The following FGF12 variants were observed in gnomAD, a reference collection of about 807,000 sequenced individuals.
FGF12 encodes the protein fibroblast growth factor 12, also known as fibroblast growth factor 12B.
A neutral mutation model predicts 23.6 loss-of-function variants in FGF12; 14 were observed. The ratio of observed to expected loss-of-function variants is 0.59; its 90% CI spans 0.39 to 0.93. The LOEUF (loss-of-function observed/expected upper bound fraction) is 0.93. Ranked by LOEUF, FGF12 falls within the 40% of genes least tolerant of loss-of-function variation. The probability of loss-of-function intolerance (pLI) is 0.00; values close to 1 mark genes in which losing one functional copy is unlikely to be tolerated. For synonymous variants in FGF12, 62 were observed against 77.3 expected, an observed-to-expected ratio of 0.80 and a Z score of 1.04; for missense variants, 175 against 217.8, an observed-to-expected ratio of 0.80 and a Z score of 1.24.
At chr3:192,544,573 A>C (rs1725449950) in intron 2 of FGF12, among the ~76,000 whole-genome samples, 1 of 152,218 alleles carries the variant, frequency 6.6e-6, no homozygotes, top group Admixed American at 6.5e-5. Flanking sequence ...AATTTATTTT[A>C]TCTCAGTATT....
Position 192,360,989 on chromosome 3 carries a change from GTT to G in FGF12, c.14-453_14-452del, listed in dbSNP as rs1396351961. On this transcript the variant is annotated intron_variant, in intron 2 of 5. Coordinates refer to ENST00000445105, the MANE Select transcript of FGF12 (RefSeq NM_004113.6). The surrounding 1 kb of genome is among the most constrained non-coding windows in gnomAD (Gnocchi z 4.3). The stretch of plus-strand genomic sequence containing the variant: ...TCAGCTCTCCATCAGAAGTTCCTGG[GTT>G]TTGAATTTGTGATCAAGTTCAGCCA... Among the ~76,000 whole-genome samples, 2 of 151,794 alleles carry G rather than the reference GTT, an allele frequency of 1.3e-5. No individual in the cohort carries two copies. Among genetic ancestry groups the G allele is most frequent in the African/African-American group, 4.8e-5 (2 of 41,304 alleles).
chr3:192,382,869 A>C (rs974003884), intron 2 of FGF12, among the ~76,000 whole-genome samples: 2 of 152,220 alleles, frequency 1.3e-5, no homozygotes, highest in Non-Finnish European at 2.9e-5. Flanking sequence ...AAGCATAAGA[A>C]TGATATCTAA....
chr3:192,247,091 AGG>A (rs1711665648), intron 4 of FGF12, among the ~76,000 whole-genome samples: 1 of 135,906 alleles, frequency 7.4e-6, no homozygotes, highest in Non-Finnish European at 1.6e-5. Context: ...GAAGGAAGGA[AGG>A]AAGGAAGGAA....
At chr3:192,416,602 G>A (rs1019048151) in intron 2 of FGF12, among the ~76,000 whole-genome samples, 1 of 152,112 alleles carries the variant, frequency 6.6e-6, no homozygotes, top group Non-Finnish European at 1.5e-5. Context: ...AGCATTGTTA[G>A]GCTAAGCGAA....
chr3:192,710,908 G>C (rs1018027216), intron 2 of FGF12, among the ~76,000 whole-genome samples: 17 of 152,166 alleles, frequency 1.1e-4, no homozygotes, highest in African/African-American at 4.1e-4. Context: ...CAAGAGAATG[G>C]AAGAGTCTTC....
intron 4 of FGF12, among the ~76,000 whole-genome samples, chr3:192,304,180 C>T (rs1715493567): frequency 6.6e-6 from 1 of 151,704 alleles, no homozygotes; most frequent in Non-Finnish European, 1.5e-5. Context: ...AAGCAATATT[C>T]TATAGAACCC....
rs577715543 is a variant in FGF12, at chr3:192,154,668, C to T, written c.428-10541G>A. On this transcript the variant is annotated intron_variant, in intron 5 of 5. Transcript: ENST00000445105. Reference sequence around the variant, plus strand: ...GACCCACTTGAGGAGGTAGTCTGCCCGTTCTCAGATCTCCAGCTGCGTGCT... The same window carrying T: ...GACCCACTTGAGGAGGTAGTCTGCCTGTTCTCAGATCTCCAGCTGCGTGCT... Among the ~76,000 whole-genome samples, 222 of 143,122 alleles carry T rather than the reference C, an allele frequency of 1.6e-3. 4 individuals are homozygous for T. Among genetic ancestry groups the T allele is most frequent in the Non-Finnish European group, 2.2e-3 (143 of 65,038 alleles). 93.9% of individuals were successfully genotyped at this position (143,122 alleles called of 152,430 possible).
chr3:192,717,478 T>C lies in FGF12; in HGVS notation c.13+9703A>G, dbSNP rs73195165. On this transcript the variant is annotated intron_variant, in intron 2 of 5. Coordinates refer to ENST00000445105, the MANE Select transcript of FGF12 (RefSeq NM_004113.6). ...ATCTTTCCAAATGTCCTTTCAATGT[T>C]TGACATGAATAAAGCATGAAAGCAT... Among the ~76,000 whole-genome samples the C allele has an allele frequency of 8.6e-3, 1,308 of 152,298 alleles. 11 individuals are homozygous for C. The highest frequency in any genetic ancestry group is 0.014 in the Middle Eastern group (4 of 292).
intron 2 of FGF12, among the ~76,000 whole-genome samples, chr3:192,587,585 G>A (rs1713423470): frequency 6.6e-6 from 1 of 151,928 alleles, no homozygotes; most frequent in Non-Finnish European, 1.5e-5. Flanking sequence ...GGAGGCTGAG[G>A]CAGGAGGATC....
intron 2 of FGF12, among the ~76,000 whole-genome samples, chr3:192,638,885 C>T (rs994635796): frequency 2.6e-5 from 4 of 152,114 alleles, no homozygotes; most frequent in Non-Finnish European, 5.9e-5. Context: ...ATCCAAAACA[C>T]CTAATTTAAT....
chr3:192,333,455 C>A (rs757136394), intron 4 of FGF12, among the ~76,000 whole-genome samples: 4 of 151,932 alleles, frequency 2.6e-5, no homozygotes, highest in Non-Finnish European at 5.9e-5. Flanking sequence ...AAAATAGACT[C>A]ACAATAACTG....
chr3:192,711,298 C>T (rs1266494336), intron 2 of FGF12, among the ~76,000 whole-genome samples: 3 of 130,088 alleles, frequency 2.3e-5, no homozygotes, highest in South Asian at 2.6e-4. Context: ...GGGGGCAGCC[C>T]CCACCCAGCC....
At position 192,360,498 on chromosome 3, in the gene FGF12, C is replaced by T. The variant is rs760295211; in HGVS notation, c.54G>A (p.Gln18=). Residue 18 remains glutamine (Q), a synonymous_variant, in exon 3 of 6, where the codon CAG becomes CAA. Transcript: ENST00000445105. This position sits in a 1 kb window ranked among gnomAD's most constrained non-coding sequence, Gnocchi z 4.3. ...GGTGCATCTGCAGGAAGTATCCCTGCTGGCTGAATAACCTTGTCACAATCC... is the reference window on the plus strand; with the variant it reads ...GGTGCATCTGCAGGAAGTATCCCTGTTGGCTGAATAACCTTGTCACAATCC... ...LKGIVTRLFS[Q]QGYFLQMHPD... 1 of 1,613,978 alleles carries T rather than the reference C, an allele frequency of 6.2e-7. No individual in the cohort carries two copies. The highest frequency in any genetic ancestry group is 8.5e-7 in the Non-Finnish European group (1 of 1,179,878).
intron 2 of FGF12, among the ~76,000 whole-genome samples, chr3:192,379,105 A>G (rs932441566): frequency 2.6e-5 from 4 of 152,174 alleles, no homozygotes; most frequent in Admixed American, 1.3e-4. Flanking sequence ...TTCTGGCTGC[A>G]TAGTATTCCA....
chr3:192,281,969 C>T (rs539331321), intron 4 of FGF12, among the ~76,000 whole-genome samples: 3 of 152,042 alleles, frequency 2.0e-5, no homozygotes, highest in Non-Finnish European at 4.4e-5. Flanking sequence ...AAATTAGAAA[C>T]GAGAATTAAC....
chr3:192,163,092 A>G (rs55804630), intron 5 of FGF12, among the ~76,000 whole-genome samples: 36,805 of 152,062 alleles, frequency 0.24, 4,646 homozygotes, highest in African/African-American at 0.29. Flanking sequence ...TGACTGAGGT[A>G]GAAGGAGATA....
At chr3:192,423,874 A>G (rs1721612693) in intron 2 of FGF12, among the ~76,000 whole-genome samples, 1 of 152,204 alleles carries the variant, frequency 6.6e-6, no homozygotes, top group Non-Finnish European at 1.5e-5. Context: ...CCACTCAGTA[A>G]GACAGTTACT....
intron 2 of FGF12, among the ~76,000 whole-genome samples, chr3:192,521,633 T>C (rs1724815597): frequency 6.6e-6 from 1 of 152,146 alleles, no homozygotes; most frequent in Non-Finnish European, 1.5e-5. Flanking sequence ...TCTGACCCTA[T>C]AAATTATACA....
chr3:192,635,498 G>T (rs568411127), intron 2 of FGF12, among the ~76,000 whole-genome samples: 1 of 152,092 alleles, frequency 6.6e-6, no homozygotes, highest in Non-Finnish European at 1.5e-5. Context: ...ATTTTGCTAC[G>T]TCACTTTACA....
Sources: allele counts gnomAD v4.1 joint callset (sites outside exome capture counted in the v4.1 genomes callset), GRCh38; gene constraint gnomAD v4.1.1; non-coding constraint Gnocchi (gnomAD v3.1); transcripts MANE v1.5; gene names NCBI Gene and HGNC (gene_info 2026-07-23, HGNC 2026-07-21).